The following RBFOX1 variants were observed in gnomAD, a reference collection of about 807,000 sequenced individuals.
The protein encoded by RBFOX1 is RNA binding protein fox-1 homolog 1.
A neutral mutation model predicts 57.7 loss-of-function variants in RBFOX1; 8 were observed. The ratio of observed to expected loss-of-function variants is 0.14; its 90% confidence interval spans 0.08 to 0.25. RBFOX1 has a LOEUF of 0.25. Among genes scored for constraint, RBFOX1 ranks in the 10% least tolerant of loss-of-function variants. The pLI, the probability that RBFOX1 is intolerant of heterozygous loss-of-function variation, is 1.00. For missense variants in RBFOX1, 611 were observed against 548.5 expected (o/e 1.11, Z -1.14); for synonymous variants, 326 against 222.4 (o/e 1.47, Z -4.15).
intron 2 of RBFOX1, among the ~76,000 whole-genome samples, chr16:5,500,471 C>G (rs1454574495): frequency 2.0e-5 from 3 of 152,146 alleles, no homozygotes. Context: ...ATCGTCCCGC[C>G]TCCACCTCCC....
At chr16:5,691,123 C>T (rs1361281583) in intron 3 of RBFOX1, among the ~76,000 whole-genome samples, 2 of 152,156 alleles carry the variant, frequency 1.3e-5, no homozygotes, top group Admixed American at 1.3e-4. Flanking sequence ...TATTTGGATG[C>T]TTAGAGATAG....
chr16:6,035,214 A>G (rs1235619399), intron 1 of RBFOX1, among the ~76,000 whole-genome samples: 19 of 152,204 alleles, frequency 1.2e-4, no homozygotes, highest in Non-Finnish European at 8.8e-5. Flanking sequence ...ACAAAGAGCA[A>G]AATATGCCGT....
chr16:6,786,408 A>C (rs964946775), intron 3 of RBFOX1, among the ~76,000 whole-genome samples: 2 of 152,192 alleles, frequency 1.3e-5, no homozygotes, highest in Admixed American at 1.3e-4. Flanking sequence ...GGCTTCATGC[A>C]TCATTTTTCA....
intron 2 of RBFOX1, among the ~76,000 whole-genome samples, chr16:6,442,352 T>C (rs574302521): frequency 1.5e-4 from 23 of 152,266 alleles, no homozygotes; most frequent in Admixed American, 1.2e-3. Flanking sequence ...GGTCAAGAGA[T>C]TGAGACCATC....
In RBFOX1 at chr16:7,049,646, C is replaced by T. The variant is rs148578713; in HGVS notation, c.-15-2411C>T. Among the ~76,000 whole-genome samples the T allele has an allele frequency of 8.5e-3, 1,289 of 152,136 alleles. 13 individuals are homozygous for T. Among genetic ancestry groups the T allele is most frequent in the Middle Eastern group, 0.017 (5 of 294 alleles). ...GTATTGGTGGTGGGAGGTGGTAATTCACCACTTATGTGGCGGTACTTTAAA... is the reference window on the plus strand; with the variant it reads ...GTATTGGTGGTGGGAGGTGGTAATTTACCACTTATGTGGCGGTACTTTAAA... On this transcript the variant is annotated intron_variant, in intron 3 of 15. Coordinates refer to ENST00000550418, the MANE Select transcript of RBFOX1 (RefSeq NM_018723.4).
chr16:5,663,567 G>C (rs1256941157), intron 3 of RBFOX1, among the ~76,000 whole-genome samples: 1 of 152,150 alleles, frequency 6.6e-6, no homozygotes, highest in African/African-American at 2.4e-5. Flanking sequence ...GTTGTTGAGA[G>C]TGCAGGGGGT....
rs576051088 is a variant in RBFOX1, at chr16:6,024,462, C to G, written c.-127+4470C>G. Among the ~76,000 whole-genome samples the G allele has an allele frequency of 5.9e-5, 9 of 152,212 alleles. No individual in the cohort carries two copies. In the East Asian group the frequency reaches 1.5e-3, roughly 26 times the overall value. On this transcript the variant is annotated intron_variant, in intron 1 of 15. Transcript: ENST00000550418. ...AGTAGCTGATCTGTATGGATCCATA[C>G]ATTTATCCAATGAGTATTCTACTCA...
chr16:7,500,324 T>A (rs1419039844), intron 4 of RBFOX1, among the ~76,000 whole-genome samples: 1 of 152,218 alleles, frequency 6.6e-6, no homozygotes, highest in Non-Finnish European at 1.5e-5. Context: ...TAGTAGGAAC[T>A]TCAATACTGT....
At chr16:6,587,771 G>T (rs2097650724) in intron 2 of RBFOX1, among the ~76,000 whole-genome samples, 1 of 152,138 alleles carries the variant, frequency 6.6e-6, no homozygotes, top group African/African-American at 2.4e-5. Flanking sequence ...AAAACACACA[G>T]TGAAAACCCA....
intron 4 of RBFOX1, among the ~76,000 whole-genome samples, chr16:7,471,605 C>A (rs4787023): frequency 6.6e-6 from 1 of 152,272 alleles, no homozygotes; most frequent in African/African-American, 2.4e-5. Flanking sequence ...AATTCTGAGA[C>A]GGGGGTGGAG....
chr16:6,411,230 C>T (rs1310346561), intron 2 of RBFOX1, among the ~76,000 whole-genome samples: 1 of 152,158 alleles, frequency 6.6e-6, no homozygotes, highest in Non-Finnish European at 1.5e-5. Flanking sequence ...AGTTCTCCTG[C>T]TGGGACCTCC....
At position 7,145,267 on chromosome 16, in the gene RBFOX1, C is replaced by T. The variant is rs2074710784; in HGVS notation, c.27+93169C>T. Among the ~76,000 whole-genome samples the T allele has an allele frequency of 3.3e-5, 5 of 152,096 alleles. No individual in the cohort carries two copies. The South Asian group carries it at 6.2e-4, about 19-fold the overall frequency. On this transcript the variant is annotated intron_variant, in intron 4 of 15. Coordinates refer to ENST00000550418, the MANE Select transcript of RBFOX1 (RefSeq NM_018723.4). ...TTGCCCAGGCTGGAGTGCAGTGGCGCAGTCTCAGTTCACTGCAGCCTCAAC... is the reference window on the plus strand; with the variant it reads ...TTGCCCAGGCTGGAGTGCAGTGGCGTAGTCTCAGTTCACTGCAGCCTCAAC...
At chr16:7,284,089 A>G (rs2095601803) in intron 4 of RBFOX1, among the ~76,000 whole-genome samples, 1 of 152,228 alleles carries the variant, frequency 6.6e-6, no homozygotes, top group Admixed American at 6.5e-5. Context: ...AGATTCATCC[A>G]GGTAGTTGCA....
intron 2 of RBFOX1, among the ~76,000 whole-genome samples, chr16:6,437,513 G>T (rs901783654): frequency 3.9e-5 from 6 of 152,144 alleles, no homozygotes; most frequent in Non-Finnish European, 5.9e-5. Flanking sequence ...GGTTCTCCAG[G>T]AGTCATCATT....
At chr16:6,380,664 A>G (rs1451883658) in intron 2 of RBFOX1, among the ~76,000 whole-genome samples, 1 of 152,008 alleles carries the variant, frequency 6.6e-6, no homozygotes, top group East Asian at 1.9e-4. Flanking sequence ...CATTGCTATC[A>G]TGAGTGTCCT....
At chr16:5,752,244 G>A (rs955461055) in intron 3 of RBFOX1, among the ~76,000 whole-genome samples, 2 of 152,168 alleles carry the variant, frequency 1.3e-5, no homozygotes, top group African/African-American at 4.8e-5. Context: ...ACACATAGAG[G>A]GGAGAAATAC....
In RBFOX1 at chr16:7,507,461, G is replaced by T. The variant is rs1054204799; in HGVS notation, c.28-10686G>T. Among the ~76,000 whole-genome samples, 7 of 152,096 alleles carry T rather than the reference G, an allele frequency of 4.6e-5. No homozygotes were observed. The East Asian group carries it at 1.4e-3, about 29-fold the overall frequency. ...CAGGATTGTGTATCAGAACTATCTG[G>T]GGCAACTTTTGACAGTGCCCATCCC... On this transcript the variant is annotated intron_variant, in intron 4 of 15. Transcript: ENST00000550418.
At chr16:5,642,929 C>T (rs1395079304) in intron 3 of RBFOX1, among the ~76,000 whole-genome samples, 1 of 152,216 alleles carries the variant, frequency 6.6e-6, no homozygotes, top group African/African-American at 2.4e-5. Context: ...TCAATGCCCG[C>T]TCACCCACCT....
chr16:7,366,503 T>G (rs2097451631), intron 4 of RBFOX1, among the ~76,000 whole-genome samples: 1 of 152,210 alleles, frequency 6.6e-6, no homozygotes, highest in South Asian at 2.1e-4. Context: ...GACAGGCTGT[T>G]GAGGCACAGC....
Sources: allele counts gnomAD v4.1 joint callset (sites outside exome capture counted in the v4.1 genomes callset), GRCh38; gene constraint gnomAD v4.1.1; transcripts MANE v1.5; gene names NCBI Gene and HGNC (gene_info 2026-07-23, HGNC 2026-07-21).